The following C2orf92 variants were observed in gnomAD, a reference collection of about 807,000 sequenced individuals.
The protein encoded by C2orf92 is uncharacterized protein C2orf92.
chr2:97,698,261 G>A (rs1217430159), intron 5 of C2orf92, among the ~76,000 whole-genome samples: 1 of 152,134 alleles, frequency 6.6e-6, no homozygotes, highest in African/African-American at 2.4e-5. Context: ...CTCTTCCCAG[G>A]CCATCCTGCA....
intron 3 of C2orf92, among the ~76,000 whole-genome samples, chr2:97,688,679 T>C (rs965591401): frequency 6.6e-6 from 1 of 152,180 alleles, no homozygotes; most frequent in Admixed American, 6.5e-5. Context: ...CAGTGTTTAC[T>C]GCCCAGGATG....
upstream of C2orf92, among the ~76,000 whole-genome samples, chr2:97,665,574 A>G (rs1372335022): frequency 1.3e-5 from 2 of 151,988 alleles, no homozygotes; most frequent in Non-Finnish European, 2.9e-5. Context: ...GGTCTTATCT[A>G]TGTAAAAACT....
chr2:97,699,145 C>A lies in C2orf92; in HGVS notation c.514+9C>A, dbSNP rs963414150. On this transcript the variant is annotated intron_variant, in intron 6 of 7. Coordinates refer to ENST00000627399, the MANE Select transcript of C2orf92 (RefSeq NM_001351368.2). ...AGGAGCAGCTAAACCAGGTGGGAATCTATATGGCCTATAAACTAAGTATGA... is the reference window on the plus strand; with the variant it reads ...AGGAGCAGCTAAACCAGGTGGGAATATATATGGCCTATAAACTAAGTATGA... 2 of 398,550 alleles carry A rather than the reference C, an allele frequency of 5.0e-6. No individual in the cohort carries two copies. Among genetic ancestry groups the A allele is most frequent in the Non-Finnish European group, 8.8e-6 (2 of 226,026 alleles). The allele number at this position is 398,550 out of a possible 1,614,324, so 24.7% of individuals were successfully genotyped here.
At chr2:97,684,437 T>G (rs967237941) in intron 3 of C2orf92, among the ~76,000 whole-genome samples, 23 of 152,200 alleles carry the variant, frequency 1.5e-4, no homozygotes, top group Admixed American at 1.4e-3. Context: ...GGCAAAAGAA[T>G]GAAGCTAGCT....
chr2:97,686,917 C>T (rs182215820), intron 3 of C2orf92, among the ~76,000 whole-genome samples: 19 of 152,162 alleles, frequency 1.2e-4, no homozygotes, highest in Non-Finnish European at 1.6e-4. Flanking sequence ...AGTTGGGAGA[C>T]TGAGGTGGGA....
chr2:97,682,167 A>G (rs2104563128), intron 3 of C2orf92, among the ~76,000 whole-genome samples: 1 of 152,364 alleles, frequency 6.6e-6, no homozygotes, highest in South Asian at 2.1e-4. Context: ...GCATTTAATG[A>G]GAGAAGAATA....
intron 5 of C2orf92, among the ~76,000 whole-genome samples, chr2:97,690,781 T>G (rs141708793): frequency 0.011 from 1,624 of 150,430 alleles, 16 homozygotes; most frequent in Non-Finnish European, 0.015. Context: ...TGTTTTTTTT[T>G]TTTTGTTTTT....
intron 1 of C2orf92, among the ~76,000 whole-genome samples, chr2:97,673,406 C>T (rs1476377943): frequency 2.0e-5 from 3 of 152,134 alleles, no homozygotes; most frequent in Non-Finnish European, 4.4e-5. Flanking sequence ...AGCTCATGAG[C>T]TAGTGTTTCC....
intron 2 of C2orf92, 26 bp from the exon 3 acceptor site, chr2:97,675,819 C>T (rs1675556828): frequency 5.0e-6 from 2 of 399,092 alleles, no homozygotes; most frequent in Non-Finnish European, 8.8e-6. Context: ...AAGACTTAAT[C>T]ACAGCCATGG....
At chr2:97,685,763 A>G (rs1431215908) in intron 3 of C2orf92, among the ~76,000 whole-genome samples, 1 of 151,294 alleles carries the variant, frequency 6.6e-6, no homozygotes, top group Non-Finnish European at 1.5e-5. Context: ...GGGTTTTGCC[A>G]TGTGGGCCGG....
intron 5 of C2orf92, among the ~76,000 whole-genome samples, chr2:97,694,830 A>T (rs1676260241): frequency 6.6e-6 from 1 of 152,182 alleles, no homozygotes; most frequent in African/African-American, 2.4e-5. Flanking sequence ...TCATGGCGGT[A>T]CCATTTGCAT....
At chr2:97,677,550 C>T (rs1675623149) in intron 3 of C2orf92, 1 of 152,170 alleles carries the variant, frequency 6.6e-6, no homozygotes, top group South Asian at 2.1e-4. Context: ...AAGATGGCTT[C>T]AGCCTTCAAT....
intron 3 of C2orf92, among the ~76,000 whole-genome samples, chr2:97,680,403 A>C (rs1444469993): frequency 6.6e-6 from 1 of 152,212 alleles, no homozygotes; most frequent in Admixed American, 6.5e-5. Context: ...GAGATTTGCA[A>C]ATTGGATTTA....
intron 1 of C2orf92, among the ~76,000 whole-genome samples, chr2:97,673,451 A>T (rs1418220338): frequency 6.6e-6 from 1 of 152,148 alleles, no homozygotes; most frequent in East Asian, 1.9e-4. Flanking sequence ...CATGTCACAC[A>T]CTGGCCTACC....
At chr2:97,667,184 A>G (rs1480779604), upstream of C2orf92, 2 of 152,170 alleles carry the variant, frequency 1.3e-5, no homozygotes, top group Admixed American at 1.3e-4. Flanking sequence ...AGTAAAAGCA[A>G]AGAGAAAGCA....
At chr2:97,701,782 CCTCCTGATCTT>C (rs1676505062) in intron 7 of C2orf92, among the ~76,000 whole-genome samples, 1 of 152,240 alleles carries the variant, frequency 6.6e-6, no homozygotes, top group Admixed American at 6.5e-5. Context: ...TTCCCACTGA[CCTCCTGATCTT>C]CTCCGTGATC....
intron 4 of C2orf92, 108 bp from the exon 5 acceptor site, chr2:97,690,148 C>CA (rs753393989): frequency 4.1e-4 from 144 of 350,174 alleles, no homozygotes; most frequent in Non-Finnish European, 6.2e-4. Context: ...AAAAAAACCA[C>CA]AAAAAAACCA....
intron 3 of C2orf92, among the ~76,000 whole-genome samples, chr2:97,682,650 T>TAAATTTATTTC (rs371038490): frequency 0.045 from 6,843 of 151,952 alleles, 494 homozygotes; most frequent in African/African-American, 0.15. Flanking sequence ...AGAAGGATGG[T>TAAATTTATTTC]TGAACATAAT....
chr2:97,679,558 G>A (rs1675692366), intron 3 of C2orf92, among the ~76,000 whole-genome samples: 1 of 151,818 alleles, frequency 6.6e-6, no homozygotes, highest in Non-Finnish European at 1.5e-5. Flanking sequence ...AGAAAGAGTC[G>A]AAGCCAGGCA....
Sources: gnomAD v4.1 joint callset for allele counts (sites outside exome capture counted in the v4.1 genomes callset) on GRCh38, gnomAD v4.1.1 for gene constraint, MANE v1.5 for transcripts, NCBI Gene and HGNC (gene_info 2026-07-23, HGNC 2026-07-21) for gene names.